CEP164: variants seen among roughly 807,000 people sequenced by gnomAD.
CEP164 encodes the protein centrosomal protein of 164 kDa.
A neutral mutation model predicts 182.7 loss-of-function variants in CEP164; 162 were observed. That is an observed-to-expected ratio of 0.89 (90% CI 0.78 to 1.01). CEP164 has a LOEUF of 1.01. CEP164 is among the 50% of genes least tolerant of loss of function. The pLI is 0.00. For synonymous variants in CEP164, 661 were observed against 690.0 expected, an observed-to-expected ratio of 0.96 and a Z score of 0.66; for missense variants, 1,735 against 1,790.4, an observed-to-expected ratio of 0.97 and a Z score of 0.56.
intron 5 of CEP164, chr11:117,356,548 G>A (rs1325073687): frequency 2.4e-5 from 31 of 1,289,388 alleles, no homozygotes; most frequent in Non-Finnish European, 2.9e-5. Flanking sequence ...CCCTCAGGCA[G>A]GGGCTAGTCC....
chr11:117,335,319 C>G (rs1262755704), intron 1 of CEP164, among the ~76,000 whole-genome samples: 1 of 152,092 alleles, frequency 6.6e-6, no homozygotes, highest in East Asian at 1.9e-4. Context: ...TGTTTTCTTC[C>G]TGCTTGGAGG....
In CEP164 at chr11:117,381,699, A is replaced by G. The variant is rs200074826; in HGVS notation, c.1410-2A>G. The G allele has an allele frequency of 2.7e-4, 426 of 1,607,474 alleles. No homozygotes were observed. Among genetic ancestry groups the G allele is most frequent in the Non-Finnish European group, 4.6e-5 (54 of 1,177,224 alleles). On this transcript the variant is annotated splice_acceptor_variant, in intron 12 of 32. Coordinates refer to ENST00000278935, the MANE Select transcript of CEP164 (RefSeq NM_014956.5). LOFTEE classifies it high-confidence loss of function. The stretch of plus-strand genomic sequence containing the variant: ...CTCTGCTGCTCTGCCCGGCCTGACC[A>G]GGTTATCTCCTCCACTTCCACACGA...
At chr11:117,407,582 A>G (rs182971293) in intron 27 of CEP164, among the ~76,000 whole-genome samples, 1 of 151,838 alleles carries the variant, frequency 6.6e-6, no homozygotes, top group Admixed American at 6.6e-5. Flanking sequence ...GAGCCCAGGA[A>G]GTTGAGGCTA....
intron 15 of CEP164, among the ~76,000 whole-genome samples, chr11:117,390,373 C>T (rs531807121): frequency 9.2e-5 from 14 of 152,104 alleles, no homozygotes; most frequent in South Asian, 8.3e-4. Flanking sequence ...TTTGACTGGG[C>T]GCAGTGGCTC....
At chr11:117,328,185 G>C (rs904043733) in intron 1 of CEP164, 1 of 152,346 alleles carries the variant, frequency 6.6e-6, no homozygotes, top group Non-Finnish European at 1.5e-5. Context: ...GCGGGCCACC[G>C]GGCCCGGGCT....
At chr11:117,336,457 G>T in intron 2 of CEP164, 1 of 1,466,440 alleles carries the variant, frequency 6.8e-7, no homozygotes, top group Non-Finnish European at 9.5e-7. Context: ...AGGATGAGGG[G>T]CCCCACCTGG....
chr11:117,341,676 G>C (rs549789667), intron 3 of CEP164, among the ~76,000 whole-genome samples: 74 of 151,472 alleles, frequency 4.9e-4, no homozygotes, highest in African/African-American at 1.8e-3. Context: ...GAACTCCTGG[G>C]CTCAAGCAAT....
Position 117,409,045 on chromosome 11 carries a change from C to T in CEP164, c.3748+17C>T, listed in dbSNP as rs373984666. The T allele has an allele frequency of 3.5e-5, 57 of 1,613,596 alleles. No individual in the cohort carries two copies. In the East Asian group the frequency reaches 4.0e-4, roughly 11 times the overall value. On this transcript the variant is annotated intron_variant, in intron 29 of 32. Transcript: ENST00000278935. The surrounding 1 kb of genome is among the most constrained non-coding windows in gnomAD (Gnocchi z 4.4). Reference sequence around the variant, plus strand: ...AGCAGAGGAGTGAGTGGGGGAGATGCGGGGTGAGGACCATGGTATCCATGG... The same window carrying T: ...AGCAGAGGAGTGAGTGGGGGAGATGTGGGGTGAGGACCATGGTATCCATGG...
intron 15 of CEP164, among the ~76,000 whole-genome samples, chr11:117,389,013 G>C (rs908980116): frequency 6.6e-6 from 1 of 151,578 alleles, no homozygotes; most frequent in African/African-American, 2.4e-5. Flanking sequence ...CTGATGATCC[G>C]CCTGCCTCGG....
At chr11:117,366,425 C>G (rs900732421) in intron 8 of CEP164, among the ~76,000 whole-genome samples, 1 of 152,154 alleles carries the variant, frequency 6.6e-6, no homozygotes, top group Non-Finnish European at 1.5e-5. Context: ...TCCTCTCCTG[C>G]TTTCCAACTT....
At chr11:117,360,268 A>G (rs2040780492) in intron 5 of CEP164, among the ~76,000 whole-genome samples, 1 of 152,074 alleles carries the variant, frequency 6.6e-6, no homozygotes, top group African/African-American at 2.4e-5. Flanking sequence ...CCTGGGCTTA[A>G]TTGATCTTGC....
At chr11:117,408,700 G>T (rs929171945) in intron 28 of CEP164, 190 bp from the exon 29 acceptor site, 2 of 721,098 alleles carry the variant, frequency 2.8e-6, no homozygotes, top group Non-Finnish European at 4.4e-6. Flanking sequence ...CCTTGAATTT[G>T]TAGCAACAAA....
At chr11:117,353,071 G>A (rs1207192480) in intron 5 of CEP164, among the ~76,000 whole-genome samples, 1 of 152,160 alleles carries the variant, frequency 6.6e-6, no homozygotes, top group African/African-American at 2.4e-5. Flanking sequence ...AGAACGCTGT[G>A]GTGGTCCCTT....
Position 117,404,474 on chromosome 11 carries a change from C to T in CEP164, c.3502-3451C>T, listed in dbSNP as rs573968181. ...TAGACCCTATTTGCTTGGATATCACCAGCGGAGGCTGCAGAACAGCAAAGA... is the reference window on the plus strand; with the variant it reads ...TAGACCCTATTTGCTTGGATATCACTAGCGGAGGCTGCAGAACAGCAAAGA... On this transcript the variant is annotated intron_variant, in intron 27 of 32. Transcript: ENST00000278935. 2.6e-5 allele frequency among the ~76,000 whole-genome samples: 4 copies of T among 152,288 alleles called. No individual in the cohort carries two copies. The South Asian group carries it at 6.2e-4, about 24-fold the overall frequency.
intron 4 of CEP164, among the ~76,000 whole-genome samples, chr11:117,347,057 A>G (rs539958981): frequency 2.4e-4 from 36 of 152,258 alleles, no homozygotes; most frequent in Admixed American, 7.2e-4. Context: ...GCACTTTATT[A>G]TATACACTGT....
At position 117,411,136 on chromosome 11, in the gene CEP164, C is replaced by G. The variant is rs1384576265; in HGVS notation, c.4163+242C>G. 4.1e-6 allele frequency: 2 copies of G among 489,450 alleles called. No individual in the cohort carries two copies. Among genetic ancestry groups the G allele is most frequent in the Non-Finnish European group, 7.5e-6 (2 of 268,148 alleles). The allele number at this position is 489,450 out of a possible 1,614,324, so 30.3% of individuals were successfully genotyped here. A position where few individuals can be genotyped will look rare whatever the true frequency, so the allele number is the denominator to read the frequency against. On this transcript the variant is annotated intron_variant, in intron 31 of 32. Coordinates refer to ENST00000278935, the MANE Select transcript of CEP164 (RefSeq NM_014956.5). The surrounding 1 kb of genome is among the most constrained non-coding windows in gnomAD (Gnocchi z 4.4). The stretch of plus-strand genomic sequence containing the variant: ...TGGGGAAGGGCTGGGCTTACCCTGC[C>G]AACCCCCTGAGGAAGCTGCCCTCTG...
At chr11:117,332,503 G>C (rs1243137780) in intron 1 of CEP164, among the ~76,000 whole-genome samples, 9 of 152,138 alleles carry the variant, frequency 5.9e-5, no homozygotes, top group African/African-American at 2.2e-4. Context: ...TTGAACCCAG[G>C]AGGCGGAGGT....
At position 117,394,787 on chromosome 11, in the gene CEP164, G is replaced by T; in HGVS notation, c.2761-133G>T. 1 of 985,362 alleles carries T rather than the reference G, an allele frequency of 1.0e-6. No homozygotes were observed. The allele number at this position is 985,362 out of a possible 1,614,324, so 61.0% of individuals were successfully genotyped here. A position where few individuals can be genotyped will look rare whatever the true frequency, so the allele number is the denominator to read the frequency against. ...TGTGGAGCCTTCCTGGGAGGCTGCA[G>T]GGGCACACAGCGAGGAAGCCTGAGC... On this transcript the variant is annotated intron_variant, in intron 21 of 32. Coordinates refer to ENST00000278935, the MANE Select transcript of CEP164 (RefSeq NM_014956.5). This position sits in a 1 kb window ranked among gnomAD's most constrained non-coding sequence, Gnocchi z 4.0.
At chr11:117,369,691 A>G (rs2042006684) in intron 8 of CEP164, among the ~76,000 whole-genome samples, 2 of 151,832 alleles carry the variant, frequency 1.3e-5, no homozygotes, top group South Asian at 4.1e-4. Context: ...TCAGTCTGGC[A>G]GCCCAAGTGT....
Sources: gnomAD v4.1 joint callset for allele counts (sites outside exome capture counted in the v4.1 genomes callset) on GRCh38, gnomAD v4.1.1 for gene constraint, Gnocchi (gnomAD v3.1) non-coding constraint, MANE v1.5 for transcripts, NCBI Gene and HGNC (gene_info 2026-07-23, HGNC 2026-07-21) for gene names.